Variants in RBFOX1 observed in about 807,000 individuals in gnomAD.
The protein encoded by RBFOX1 is RNA binding protein fox-1 homolog 1.
In RBFOX1, 8 loss-of-function variants were observed where a neutral mutation model predicts 57.7. That is an observed-to-expected ratio of 0.14 (90% CI 0.08 to 0.25). The LOEUF is 0.25. Among genes scored for constraint, RBFOX1 ranks in the 10% least tolerant of loss-of-function variants. RBFOX1 has a pLI of 1.00. For missense variants in RBFOX1, 611 were observed against 548.5 expected (o/e 1.11, Z -1.14); for synonymous variants, 326 against 222.4 (o/e 1.47, Z -4.15).
At chr16:6,968,326 A>C (rs760371718) in intron 3 of RBFOX1, among the ~76,000 whole-genome samples, 1 of 152,208 alleles carries the variant, frequency 6.6e-6, no homozygotes, top group South Asian at 2.1e-4. Flanking sequence ...GATGGAAACA[A>C]TGCAAACATT....
chr16:7,190,766 C>T (rs1193193296), intron 4 of RBFOX1, among the ~76,000 whole-genome samples: 2 of 152,082 alleles, frequency 1.3e-5, no homozygotes, highest in Non-Finnish European at 2.9e-5. Flanking sequence ...GTTTTTAATT[C>T]GGGTTTATGG....
At chr16:5,446,821 G>A (rs987228613) in intron 1 of RBFOX1, among the ~76,000 whole-genome samples, 5 of 152,134 alleles carry the variant, frequency 3.3e-5, no homozygotes, top group African/African-American at 1.2e-4. Context: ...GTGGCAGAGG[G>A]CACTGTGTAT....
At chr16:6,538,250 G>T (rs914883566) in intron 2 of RBFOX1, among the ~76,000 whole-genome samples, 8 of 152,148 alleles carry the variant, frequency 5.3e-5, no homozygotes, top group Non-Finnish European at 1.2e-4. Flanking sequence ...CAGTACTTGG[G>T]AGGCCAAGGC....
chr16:7,070,665 G>A (rs1028145415), intron 4 of RBFOX1, among the ~76,000 whole-genome samples: 3 of 152,144 alleles, frequency 2.0e-5, no homozygotes, highest in African/African-American at 7.2e-5. Flanking sequence ...ATCTCCCTTG[G>A]CATGAAGTGA....
intron 4 of RBFOX1, among the ~76,000 whole-genome samples, chr16:5,907,787 A>G (rs893558597): frequency 9.3e-5 from 14 of 151,268 alleles, no homozygotes; most frequent in South Asian, 6.3e-4. Flanking sequence ...TCTTTTCTCT[A>G]TTGCCCAGGC....
intron 3 of RBFOX1, among the ~76,000 whole-genome samples, chr16:5,733,989 G>A (rs936176822): frequency 1.3e-5 from 2 of 152,068 alleles, no homozygotes; most frequent in African/African-American, 2.4e-5. Context: ...GACTGGGCAC[G>A]TGTTACCTAT....
intron 8 of RBFOX1, among the ~76,000 whole-genome samples, chr16:7,596,365 A>C (rs2094702318): frequency 6.6e-6 from 1 of 151,398 alleles, no homozygotes; most frequent in Non-Finnish European, 1.5e-5. Flanking sequence ...CATATTTGTT[A>C]ATTTTTTTTT....
intron 1 of RBFOX1, among the ~76,000 whole-genome samples, chr16:6,197,390 A>G (rs1183763044): frequency 6.6e-6 from 1 of 151,988 alleles, no homozygotes; most frequent in Admixed American, 6.6e-5. Flanking sequence ...CCCATCCGCA[A>G]TCTGCACCAT....
At chr16:6,945,978 G>A (rs768570124) in intron 3 of RBFOX1, among the ~76,000 whole-genome samples, 2 of 152,206 alleles carry the variant, frequency 1.3e-5, no homozygotes, top group East Asian at 1.9e-4. Flanking sequence ...TTCCACAAGT[G>A]TCTTTTGGCC....
At chr16:5,280,010 G>A (rs1364769289) in intron 1 of RBFOX1, among the ~76,000 whole-genome samples, 4 of 152,176 alleles carry the variant, frequency 2.6e-5, no homozygotes, top group Admixed American at 2.6e-4. Flanking sequence ...TCCTTGTCTT[G>A]TTCCAGTTCT....
chr16:6,868,202 C>T (rs1303290311), intron 3 of RBFOX1, among the ~76,000 whole-genome samples: 1 of 152,004 alleles, frequency 6.6e-6, no homozygotes, highest in East Asian at 1.9e-4. Flanking sequence ...CATGTTACAG[C>T]CTCCAAGTCA....
chr16:7,363,205 C>T (rs78370919), intron 4 of RBFOX1, among the ~76,000 whole-genome samples: 3,691 of 152,242 alleles, frequency 0.024, 151 homozygotes, highest in African/African-American at 0.083. Context: ...CGTCAGCCTC[C>T]ATCCTGAGTT....
intron 3 of RBFOX1, among the ~76,000 whole-genome samples, chr16:6,853,070 T>C (rs2094155594): frequency 6.6e-6 from 1 of 152,106 alleles, no homozygotes; most frequent in Admixed American, 6.5e-5. Flanking sequence ...CAGCCTCTGG[T>C]GTTACCCTTC....
chr16:6,028,649 C>T (rs1385147712), intron 1 of RBFOX1, among the ~76,000 whole-genome samples: 1 of 151,978 alleles, frequency 6.6e-6, no homozygotes, highest in Non-Finnish European at 1.5e-5. Context: ...CCACTGCACT[C>T]CATCCTTGGC....
At chr16:6,844,842 G>C (rs955058606) in intron 3 of RBFOX1, among the ~76,000 whole-genome samples, 3 of 152,114 alleles carry the variant, frequency 2.0e-5, no homozygotes, top group Non-Finnish European at 4.4e-5. Context: ...AACCTTGCCA[G>C]CACCTGTTTT....
At chr16:6,544,814 C>T (rs747233661) in intron 2 of RBFOX1, among the ~76,000 whole-genome samples, 2 of 152,240 alleles carry the variant, frequency 1.3e-5, no homozygotes, top group East Asian at 3.9e-4. Context: ...GATTAGTCAG[C>T]GAAGGGTACC....
rs117788908 is a variant in RBFOX1 at position 6,651,694 on chromosome 16, T to A, written c.-63-2909T>A. 1.5e-3 allele frequency among the ~76,000 whole-genome samples: 228 copies of A among 152,234 alleles called. No homozygotes were observed. In the East Asian group the frequency reaches 0.026, roughly 17 times the overall value. On this transcript the variant is annotated intron_variant, in intron 2 of 15. Coordinates refer to ENST00000550418, the MANE Select transcript of RBFOX1 (RefSeq NM_018723.4). Reference sequence around the variant, plus strand: ...ATTGAATTACCATAGGGTTTGGCAATCTCACTTCTGGGCATACGCACAAAA... The same window carrying A: ...ATTGAATTACCATAGGGTTTGGCAAACTCACTTCTGGGCATACGCACAAAA...
chr16:5,263,814 A>G (rs1330564213), intron 1 of RBFOX1, among the ~76,000 whole-genome samples: 3 of 152,182 alleles, frequency 2.0e-5, no homozygotes, highest in African/African-American at 4.8e-5. Flanking sequence ...TTTAAAGTCA[A>G]TTGTTACAGC....
intron 2 of RBFOX1, among the ~76,000 whole-genome samples, chr16:5,519,133 C>T (rs998114542): frequency 6.6e-6 from 1 of 152,188 alleles, no homozygotes; most frequent in African/African-American, 2.4e-5. Context: ...AACTCCAAGC[C>T]TCCAGAACTG....
Sources: allele counts gnomAD v4.1 joint callset (sites outside exome capture counted in the v4.1 genomes callset), GRCh38; gene constraint gnomAD v4.1.1; transcripts MANE v1.5; gene names NCBI Gene and HGNC (gene_info 2026-07-23, HGNC 2026-07-21).